The following NR3C2 variants were observed in gnomAD, a reference collection of about 807,000 sequenced individuals.
The protein encoded by NR3C2 is mineralocorticoid receptor.
In NR3C2, 15 loss-of-function variants were observed where a neutral mutation model predicts 86.4. The ratio of observed to expected loss-of-function variants is 0.17; its 90% confidence interval spans 0.12 to 0.27. The LOEUF is 0.27. NR3C2 is among the 10% of genes least tolerant of loss of function. The pLI is 1.00. For missense variants in NR3C2, 960 were observed against 1,195.6 expected (o/e 0.80, Z 2.91); for synonymous variants, 458 against 450.5 (o/e 1.02, Z -0.21).
chr4:148,287,807 T>C (rs72655277), intron 2 of NR3C2, among the ~76,000 whole-genome samples: 2,139 of 152,226 alleles, frequency 0.014, 46 homozygotes, highest in African/African-American at 0.049. Context: ...CTCTAAAAAA[T>C]ATAGCATGAG....
At chr4:148,393,694 C>T (rs79213588) in intron 2 of NR3C2, among the ~76,000 whole-genome samples, 1,691 of 152,290 alleles carry the variant, frequency 0.011, 18 homozygotes, top group South Asian at 0.019. Context: ...TAAGGTAAAA[C>T]CTCCTGATGC....
intron 2 of NR3C2, among the ~76,000 whole-genome samples, chr4:148,316,597 T>A (rs1296670068): frequency 6.6e-6 from 1 of 152,160 alleles, no homozygotes; most frequent in Non-Finnish European, 1.5e-5. Context: ...TCTTTGCAAT[T>A]TCTTTTAAGG....
At chr4:148,179,341 T>C (rs1735542653) in intron 4 of NR3C2, among the ~76,000 whole-genome samples, 1 of 150,958 alleles carries the variant, frequency 6.6e-6, no homozygotes, top group Non-Finnish European at 1.5e-5. Flanking sequence ...AATGCTAAGC[T>C]CTCAGGCCCT....
In NR3C2 at chr4:148,114,054, T is replaced by C. The variant is rs758754667; in HGVS notation, c.2799+50A>G. Reference sequence around the variant, plus strand: ...TCTGTTTCCTTTGGTCAGCAGTGTGTATGTGGTTGCTGATCCTTCACTTAG... The same window carrying C: ...TCTGTTTCCTTTGGTCAGCAGTGTGCATGTGGTTGCTGATCCTTCACTTAG... On this transcript the variant is annotated intron_variant, in intron 8 of 8. Coordinates refer to ENST00000358102, the MANE Select transcript of NR3C2 (RefSeq NM_000901.5). 3 of 1,603,120 alleles carry C rather than the reference T, an allele frequency of 1.9e-6. No homozygotes were observed. In the Admixed American group the frequency reaches 5.0e-5, roughly 27 times the overall value.
chr4:148,301,612 C>G (rs949371400), intron 2 of NR3C2, among the ~76,000 whole-genome samples: 1 of 152,174 alleles, frequency 6.6e-6, no homozygotes, highest in Admixed American at 6.5e-5. Context: ...TGCTCTTTAG[C>G]AAAATTGTTA....
intron 4 of NR3C2, among the ~76,000 whole-genome samples, chr4:148,161,737 A>C (rs1319030929): frequency 6.6e-6 from 1 of 152,146 alleles, no homozygotes; most frequent in Non-Finnish European, 1.5e-5. Flanking sequence ...ATATCCACCC[A>C]TTGTATAAGA....
chr4:148,152,530 TCCAG>T lies in NR3C2; in HGVS notation c.2445_2448del (p.Ser815ArgfsTer18). The T allele has an allele frequency of 6.2e-7, 1 of 1,614,152 alleles. No homozygotes were observed. The highest frequency in any genetic ancestry group is 8.5e-7 in the Non-Finnish European group (1 of 1,179,964). The stretch of plus-strand genomic sequence containing the variant: ...TGGCTGTTCGTATGTTTGTACGATC[TCCAG>T]CTCAAGGCAAATGATGATAGACACA... On this transcript the variant is annotated frameshift_variant, in exon 6 of 9. Transcript: ENST00000358102. LOFTEE classifies it high-confidence loss of function.
At chr4:148,239,312 C>G (rs1260753972) in intron 3 of NR3C2, among the ~76,000 whole-genome samples, 1 of 152,192 alleles carries the variant, frequency 6.6e-6, no homozygotes, top group Non-Finnish European at 1.5e-5. Context: ...GGGTCCCAGT[C>G]TGTAAAATGA....
intron 2 of NR3C2, among the ~76,000 whole-genome samples, chr4:148,302,823 G>T (rs888091180): frequency 7.0e-6 from 1 of 142,814 alleles, no homozygotes; most frequent in Non-Finnish European, 1.5e-5. Flanking sequence ...TCCAGCCTGG[G>T]CTACAAGAGC....
intron 6 of NR3C2, among the ~76,000 whole-genome samples, chr4:148,121,533 T>C (rs1028232449): frequency 6.6e-6 from 1 of 152,216 alleles, no homozygotes; most frequent in African/African-American, 2.4e-5. Flanking sequence ...ACCGGATTTT[T>C]AAAAATTAAA....
intron 6 of NR3C2, among the ~76,000 whole-genome samples, chr4:148,135,988 C>G (rs1733293385): frequency 9.3e-6 from 1 of 107,432 alleles, no homozygotes; most frequent in Non-Finnish European, 1.9e-5. Flanking sequence ...ACCCGGGAGG[C>G]GGAGCTTGCA....
chr4:148,154,737 G>T lies in NR3C2; in HGVS notation c.2179C>A (p.Leu727Ile). ...GTGAGCGCTCGTGAGATTGTGGAGA[G>T]CTGAGGAACCAGTGCTGTGTTGACC... is the stretch of plus-strand genomic sequence containing the variant. Reference protein sequence around the residue: ...PSVNTALVPQLSTISRALTPS... With the variant: ...PSVNTALVPQISTISRALTPS... The change falls in exon 5 of 9, where the codon CTC becomes ATC. Residue 727 changes from leucine (L) to isoleucine (I), a missense_variant. By Grantham distance (5) the Leu-to-Ile change is conservative. Transcript: ENST00000358102. The T allele has an allele frequency of 1.9e-6, 3 of 1,612,506 alleles. No individual in the cohort carries two copies. Among genetic ancestry groups the T allele is most frequent in the South Asian group, 1.1e-5 (1 of 91,014 alleles).
At chr4:148,124,594 T>C (rs1732661276) in intron 6 of NR3C2, among the ~76,000 whole-genome samples, 1 of 152,254 alleles carries the variant, frequency 6.6e-6, no homozygotes, top group Admixed American at 6.5e-5. Context: ...TGTTCAGGAC[T>C]CAATGTCCTT....
chr4:148,203,151 G>T (rs1736815143), intron 3 of NR3C2, among the ~76,000 whole-genome samples: 1 of 151,814 alleles, frequency 6.6e-6, no homozygotes, highest in African/African-American at 2.4e-5. Flanking sequence ...TTTGTTATAT[G>T]CCAGAGCCAT....
At chr4:148,275,585 C>A (rs2149890349) in intron 2 of NR3C2, among the ~76,000 whole-genome samples, 1 of 152,148 alleles carries the variant, frequency 6.6e-6, no homozygotes, top group East Asian at 1.9e-4. Flanking sequence ...CATGTACTAC[C>A]AAGCATGGTT....
intron 2 of NR3C2, among the ~76,000 whole-genome samples, chr4:148,288,642 C>T (rs1420514356): frequency 6.6e-6 from 1 of 152,232 alleles, no homozygotes; most frequent in Admixed American, 6.5e-5. Context: ...CTCTTATATA[C>T]TTTATCTGCT....
chr4:148,256,045 A>G (rs1001609759), intron 3 of NR3C2, among the ~76,000 whole-genome samples: 2 of 152,176 alleles, frequency 1.3e-5, no homozygotes, highest in Non-Finnish European at 2.9e-5. Flanking sequence ...AAAACTTCTA[A>G]CAGAAGAGGC....
At chr4:148,267,528 C>G (rs554997027) in intron 2 of NR3C2, among the ~76,000 whole-genome samples, 7 of 152,034 alleles carry the variant, frequency 4.6e-5, no homozygotes, top group Admixed American at 2.0e-4. Context: ...CAATGGTAAG[C>G]AGAAGAAAGG....
chr4:148,149,500 A>G (rs568548727), intron 6 of NR3C2, among the ~76,000 whole-genome samples: 2 of 152,328 alleles, frequency 1.3e-5, no homozygotes, highest in African/African-American at 4.8e-5. Flanking sequence ...AGATATTTAC[A>G]AACAATTAAA....
Sources: gnomAD v4.1 joint callset for allele counts (sites outside exome capture counted in the v4.1 genomes callset) on GRCh38, gnomAD v4.1.1 for gene constraint, MANE v1.5 for transcripts, NCBI Gene and HGNC (gene_info 2026-07-23, HGNC 2026-07-21) for gene names.